TBC1D12: variants seen among roughly 807,000 people sequenced by gnomAD.
TBC1D12 encodes TBC1 domain family member 12.
TBC1D12 carries 56 observed loss-of-function variants against 86.7 expected under a neutral mutation model. That is an observed-to-expected ratio of 0.65 (90% CI 0.52 to 0.81). TBC1D12 has a LOEUF of 0.81. TBC1D12 is among the 30% of genes least tolerant of loss of function. The pLI, the probability that TBC1D12 is intolerant of heterozygous loss-of-function variation, is 0.00. For synonymous variants in TBC1D12, 421 were observed against 411.7 expected (o/e 1.02, Z -0.27); for missense variants, 1,023 against 1,038.8 (o/e 0.98, Z 0.21).
intron 3 of TBC1D12, among the ~76,000 whole-genome samples, chr10:94,487,379 GTCTTC>G (rs1381360786): frequency 2.0e-5 from 3 of 150,370 alleles, no homozygotes; most frequent in African/African-American, 7.3e-5. Context: ...TTGTTATGTG[GTCTTC>G]TCTTCTTTCG....
chr10:94,440,893 G>A (rs985347215), intron 1 of TBC1D12, among the ~76,000 whole-genome samples: 3 of 152,178 alleles, frequency 2.0e-5, no homozygotes, highest in Non-Finnish European at 4.4e-5. Context: ...GGTGCACAAT[G>A]ACGCGGAGTG....
chr10:94,441,883 T>C lies in TBC1D12; in HGVS notation c.972-13T>C, dbSNP rs2055386967. 17 of 1,608,162 alleles carry C rather than the reference T, an allele frequency of 1.1e-5. No individual in the cohort carries two copies. The highest frequency in any genetic ancestry group is 1.4e-5 in the Non-Finnish European group (17 of 1,177,966). On this transcript the variant is annotated splice_polypyrimidine_tract_variant and intron_variant, in intron 1 of 12. Coordinates refer to ENST00000225235, the MANE Select transcript of TBC1D12 (RefSeq NM_015188.2). Reference sequence around the variant, plus strand: ...ACAAAAAACACAATTCATGTAACTTTTCTGTGTTTCAGAAACCTTTTTCCA... The same window carrying C: ...ACAAAAAACACAATTCATGTAACTTCTCTGTGTTTCAGAAACCTTTTTCCA...
chr10:94,454,709 T>G (rs1323395996), intron 2 of TBC1D12, among the ~76,000 whole-genome samples: 2 of 152,206 alleles, frequency 1.3e-5, no homozygotes, highest in Non-Finnish European at 2.9e-5. Context: ...TGTAAGAAAG[T>G]GATTGACTTT....
At chr10:94,467,769 C>T (rs750643199) in intron 2 of TBC1D12, among the ~76,000 whole-genome samples, 1 of 152,056 alleles carries the variant, frequency 6.6e-6, no homozygotes, top group Non-Finnish European at 1.5e-5. Flanking sequence ...TCTCTATTGC[C>T]CAGGTTGGGG....
chr10:94,431,053 G>T (rs111598516), intron 1 of TBC1D12, among the ~76,000 whole-genome samples: 194 of 152,106 alleles, frequency 1.3e-3, no homozygotes, highest in African/African-American at 4.4e-3. Context: ...ATTTAAAGGG[G>T]GAAAGATGGA....
chr10:94,533,593 G>T lies in TBC1D12; in HGVS notation c.*497G>T, dbSNP rs1244348750. 6.6e-6 allele frequency: 1 copy of T among 152,156 alleles called. No individual in the cohort carries two copies. The highest frequency in any genetic ancestry group is 1.5e-5 in the Non-Finnish European group (1 of 68,020). 9.4% of individuals were successfully genotyped at this position (152,156 alleles called of 1,614,324 possible). ...GTTGTAAATTATTTAAGTCACTGAA[G>T]ATGTCATTTATCTTCATTCACAAGT... is the stretch of plus-strand genomic sequence containing the variant. On this transcript the variant is annotated 3_prime_UTR_variant, in exon 13 of 13. Coordinates refer to ENST00000225235, the MANE Select transcript of TBC1D12 (RefSeq NM_015188.2).
intron 11 of TBC1D12, among the ~76,000 whole-genome samples, chr10:94,527,618 T>C (rs1007110794): frequency 6.6e-6 from 1 of 152,120 alleles, no homozygotes; most frequent in African/African-American, 2.4e-5. Flanking sequence ...TCTGAGACCT[T>C]ACTAATAACA....
rs190111082 is a variant in TBC1D12 at position 94,495,093 on chromosome 10, G to A, written c.1294+1646G>A. Among the ~76,000 whole-genome samples the A allele has an allele frequency of 1.5e-3, 232 of 150,918 alleles. 1 individual carries two copies. The highest frequency in any genetic ancestry group is 2.7e-3 in the Non-Finnish European group (184 of 67,854). The stretch of plus-strand genomic sequence containing the variant: ...GGCTGGAGTGCAGTGGCGCAATCTC[G>A]GCTCACTGTGACCTCCGCTGCCTGG... On this transcript the variant is annotated intron_variant, in intron 4 of 12. Coordinates refer to ENST00000225235, the MANE Select transcript of TBC1D12 (RefSeq NM_015188.2).
In TBC1D12 at chr10:94,402,713, C is replaced by T. The variant is rs1430514291; in HGVS notation, c.100C>T (p.Arg34Trp). The T allele has an allele frequency of 1.9e-6, 3 of 1,580,774 alleles. No individual in the cohort carries two copies. The highest frequency in any genetic ancestry group is 2.3e-5 in the South Asian group (2 of 87,450). Residue 34 changes from arginine to tryptophan, a missense_variant, in exon 1 of 13, where the codon CGG becomes TGG. Arg to Trp is a moderately radical substitution (Grantham distance 101). This residue lies in a region of TBC1D12 where 628 missense variants were observed against 531.1 expected (regional missense o/e 1.18). Transcript: ENST00000225235. ...CGTGGGCCAGGACAGGAAGGTAATC[C>T]GGGCCACGGGCGGCTTTGGCGGAGG... ...DPVGQDRKVI[R>W]ATGGFGGGVG...
Position 94,536,216 on chromosome 10 carries a change from A to C in TBC1D12, c.*3120A>C, listed in dbSNP as rs137894908. 2.6e-3 allele frequency among the ~76,000 whole-genome samples: 396 copies of C among 152,212 alleles called. No homozygotes were observed. The highest frequency in any genetic ancestry group is 3.5e-3 in the Non-Finnish European group (241 of 67,990). Reference sequence around the variant, plus strand: ...TTTCAATTAAAAAAAAACTTTTCCTAAAATACTCAAAATAATGTGAAATTT... The same window carrying C: ...TTTCAATTAAAAAAAAACTTTTCCTCAAATACTCAAAATAATGTGAAATTT... On this transcript the variant is annotated 3_prime_UTR_variant, in exon 13 of 13. Transcript: ENST00000225235.
chr10:94,458,817 G>A (rs2901764), intron 2 of TBC1D12, among the ~76,000 whole-genome samples: 57,089 of 151,820 alleles, frequency 0.38, 11,189 homozygotes, highest in East Asian at 0.7. Context: ...GGAGTTGTTC[G>A]TCCCTCCCCA....
intron 11 of TBC1D12, among the ~76,000 whole-genome samples, chr10:94,529,778 C>A (rs1425385656): frequency 1.3e-5 from 2 of 151,984 alleles, no homozygotes; most frequent in Non-Finnish European, 2.9e-5. Flanking sequence ...AAAAGTCCTC[C>A]ATTGTCAGTC....
At chr10:94,418,580 T>A (rs1889487) in intron 1 of TBC1D12, among the ~76,000 whole-genome samples, 54,043 of 148,746 alleles carry the variant, frequency 0.36, 10,162 homozygotes, top group East Asian at 0.67. Context: ...TTATTATTAT[T>A]ATATTATTTT....
At chr10:94,519,883 C>T (rs919258156) in intron 9 of TBC1D12, among the ~76,000 whole-genome samples, 5 of 152,092 alleles carry the variant, frequency 3.3e-5, no homozygotes, top group African/African-American at 1.2e-4. Flanking sequence ...TCTCAAGATC[C>T]TTGACTTAAT....
chr10:94,450,380 A>C (rs1400700097), intron 2 of TBC1D12, among the ~76,000 whole-genome samples: 2 of 151,936 alleles, frequency 1.3e-5, no homozygotes, highest in African/African-American at 4.8e-5. Flanking sequence ...TATTAGTAGG[A>C]ATTAAGCAGG....
chr10:94,459,712 C>T (rs528762118), intron 2 of TBC1D12, among the ~76,000 whole-genome samples: 35 of 152,284 alleles, frequency 2.3e-4, no homozygotes, highest in African/African-American at 7.0e-4. Context: ...CTGGGGGACC[C>T]GGCACACCCT....
At chr10:94,532,306 T>G (rs1055787452) in intron 12 of TBC1D12, among the ~76,000 whole-genome samples, 2 of 152,076 alleles carry the variant, frequency 1.3e-5, no homozygotes, top group East Asian at 3.9e-4. Context: ...GTCTCCCGAG[T>G]AGCTGGGATT....
At chr10:94,498,557 G>A (rs1298442108) in intron 5 of TBC1D12, among the ~76,000 whole-genome samples, 1 of 151,812 alleles carries the variant, frequency 6.6e-6, no homozygotes, top group Non-Finnish European at 1.5e-5. Context: ...GGATTCAGAC[G>A]ATTCTTATGC....
chr10:94,532,991 T>C, intron 12 of TBC1D12, 37 bp from the exon 13 acceptor site: 1 of 1,243,594 alleles, frequency 8.0e-7, no homozygotes. Flanking sequence ...TGGGTGGTAG[T>C]TTTTGAGGAT....
Sources: allele counts gnomAD v4.1 joint callset (sites outside exome capture counted in the v4.1 genomes callset), GRCh38; gene constraint gnomAD v4.1.1; regional missense constraint gnomAD v4.1.1; transcripts MANE v1.5; gene names NCBI Gene and HGNC (gene_info 2026-07-23, HGNC 2026-07-21).